TDRD3: variants seen among roughly 807,000 people sequenced by gnomAD.
The protein encoded by TDRD3 is tudor domain-containing protein 3.
A neutral mutation model predicts 86.7 loss-of-function variants in TDRD3; 45 were observed. The observed-to-expected ratio is 0.52, with a 90% CI of 0.41 to 0.67. The LOEUF is 0.67. Among genes scored for constraint, TDRD3 ranks in the 30% least tolerant of loss-of-function variants. TDRD3 has a pLI of 0.00. For missense variants in TDRD3, 814 were observed against 889.0 expected, an observed-to-expected ratio of 0.92 and a Z score of 1.07; for synonymous variants, 298 against 301.7, an observed-to-expected ratio of 0.99 and a Z score of 0.13.
At chr13:60,428,087 A>T (rs1235609873) in intron 1 of TDRD3, among the ~76,000 whole-genome samples, 1 of 151,962 alleles carries the variant, frequency 6.6e-6, no homozygotes, top group African/African-American at 2.4e-5. Context: ...GGCTTGAGGC[A>T]TCATCAGTCC....
At chr13:60,470,590 G>GTTTTTTT (rs71092676) in intron 5 of TDRD3, among the ~76,000 whole-genome samples, 1 of 93,512 alleles carries the variant, frequency 1.1e-5, no homozygotes, top group Admixed American at 1.1e-4. Context: ...TTATAGTTGG[G>GTTTTTTT]TTTTTTTTTT....
chr13:60,547,694 C>T (rs1957966640), intron 12 of TDRD3, among the ~76,000 whole-genome samples: 1 of 152,178 alleles, frequency 6.6e-6, no homozygotes. Context: ...AATGACTTAA[C>T]TACTTTTGTT....
intron 3 of TDRD3, among the ~76,000 whole-genome samples, chr13:60,454,033 G>A (rs1230479491): frequency 2.6e-5 from 4 of 151,106 alleles, no homozygotes; most frequent in Non-Finnish European, 5.9e-5. Context: ...TTTATATTCA[G>A]GTATAAAGGT....
chr13:60,542,644 A>C (rs913601611), intron 12 of TDRD3, among the ~76,000 whole-genome samples: 1 of 152,190 alleles, frequency 6.6e-6, no homozygotes, highest in Admixed American at 6.5e-5. Context: ...GACTTATGAT[A>C]CATATTTGAT....
intron 10 of TDRD3, among the ~76,000 whole-genome samples, chr13:60,522,306 A>G (rs1957305466): frequency 6.6e-6 from 1 of 152,228 alleles, no homozygotes; most frequent in Admixed American, 6.5e-5. Flanking sequence ...CAAGAAAACT[A>G]AAGCAAGATA....
At chr13:60,487,882 C>A (rs369071171) in intron 7 of TDRD3, among the ~76,000 whole-genome samples, 29 of 152,152 alleles carry the variant, frequency 1.9e-4, no homozygotes, top group East Asian at 1.7e-3. Context: ...ATTTACATTC[C>A]CACCAACAGT....
intron 10 of TDRD3, among the ~76,000 whole-genome samples, chr13:60,520,299 T>C (rs1306593592): frequency 3.3e-5 from 5 of 152,236 alleles, no homozygotes; most frequent in Non-Finnish European, 7.3e-5. Flanking sequence ...TCTGGTGTTT[T>C]TATTTAGCAT....
intron 1 of TDRD3, among the ~76,000 whole-genome samples, chr13:60,424,535 G>C (rs139568692): frequency 1.3e-5 from 2 of 151,956 alleles, no homozygotes; most frequent in Non-Finnish European, 2.9e-5. Context: ...AAATTATCTG[G>C]GCATAGTGGG....
chr13:60,510,103 G>A, intron 9 of TDRD3, among the ~76,000 whole-genome samples, 184 bp downstream of exon 9: 1 of 152,068 alleles, frequency 6.6e-6, no homozygotes, highest in Admixed American at 6.6e-5. Flanking sequence ...CTTCATCTTT[G>A]TACAAAATGG....
At chr13:60,442,371 A>ATG (rs35214486) in intron 2 of TDRD3, among the ~76,000 whole-genome samples, 22,808 of 150,464 alleles carry the variant, frequency 0.15, 1,670 homozygotes, top group East Asian at 0.21. Context: ...TAGGGATTTT[A>ATG]TGTGTGTGTG....
chr13:60,423,974 A>C (rs916173668), intron 1 of TDRD3, among the ~76,000 whole-genome samples: 1 of 152,136 alleles, frequency 6.6e-6, no homozygotes, highest in African/African-American at 2.4e-5. Flanking sequence ...CAAATAAGCC[A>C]AAATCCTGAT....
rs547792714 is a variant in TDRD3 at position 60,432,739 on chromosome 13, T to A, written c.42-6949T>A. Among the ~76,000 whole-genome samples, 74 of 152,312 alleles carry A rather than the reference T, an allele frequency of 4.9e-4. 1 individual carries two copies. The South Asian group carries it at 0.015, about 31-fold the overall frequency. On this transcript the variant is annotated intron_variant, in intron 1 of 13. Transcript: ENST00000377881. Reference sequence around the variant, plus strand: ...TGCTAAGATCAAAAATATCCTTTAATAGAAGTTATTTTTTAAATTATCTTT... The same window carrying A: ...TGCTAAGATCAAAAATATCCTTTAAAAGAAGTTATTTTTTAAATTATCTTT...
intron 1 of TDRD3, among the ~76,000 whole-genome samples, chr13:60,416,755 T>C (rs1387519592): frequency 6.6e-6 from 1 of 152,174 alleles, no homozygotes; most frequent in East Asian, 1.9e-4. Context: ...ACTGGCTCTG[T>C]TACTTTGGAC....
chr13:60,544,295 T>C (rs1353646573), intron 12 of TDRD3, among the ~76,000 whole-genome samples: 3 of 151,546 alleles, frequency 2.0e-5, no homozygotes, highest in Admixed American at 1.3e-4. Flanking sequence ...AAATAAAAAA[T>C]TAGCCAGGTG....
chr13:60,470,585 G>A (rs1041007491), intron 5 of TDRD3, among the ~76,000 whole-genome samples: 18 of 121,400 alleles, frequency 1.5e-4, no homozygotes, highest in Admixed American at 1.1e-4. Context: ...TATCATTATA[G>A]TTGGGTTTTT....
chr13:60,573,392 A>G (rs1958631319), intron 13 of TDRD3, among the ~76,000 whole-genome samples: 1 of 152,224 alleles, frequency 6.6e-6, no homozygotes, highest in Non-Finnish European at 1.5e-5. Flanking sequence ...TACTTTAACA[A>G]AGTCTAAAAA....
At chr13:60,515,792 C>T (rs1243714319) in intron 10 of TDRD3, among the ~76,000 whole-genome samples, 1 of 152,112 alleles carries the variant, frequency 6.6e-6, no homozygotes, top group African/African-American at 2.4e-5. Context: ...AGTTAAAGCC[C>T]AGAGTAAATT....
In TDRD3 at chr13:60,408,276, G is replaced by A. The variant is rs140016836; in HGVS notation, c.41+10871G>A. 3.4e-3 allele frequency among the ~76,000 whole-genome samples: 519 copies of A among 152,258 alleles called. 4 individuals are homozygous for A. Among genetic ancestry groups the A allele is most frequent in the African/African-American group, 0.011 (470 of 41,548 alleles). On this transcript the variant is annotated intron_variant, in intron 1 of 13. Coordinates refer to ENST00000377881, the MANE Select transcript of TDRD3 (RefSeq NM_001146070.2). ...AACCTCTTTTTCTTCCCAGTCCCAG[G>A]TATGTCTTTATCAGCAGCATGAAAA...
chr13:60,441,198 T>A (rs1161439954), intron 2 of TDRD3, among the ~76,000 whole-genome samples: 1 of 152,178 alleles, frequency 6.6e-6, no homozygotes, highest in East Asian at 1.9e-4. Context: ...ATTCTATTGC[T>A]TAAAAATATT....
Sources: gnomAD v4.1 joint callset for allele counts (sites outside exome capture counted in the v4.1 genomes callset) on GRCh38, gnomAD v4.1.1 for gene constraint, MANE v1.5 for transcripts, NCBI Gene and HGNC (gene_info 2026-07-23, HGNC 2026-07-21) for gene names.